Variants in MEG3 observed in about 807,000 individuals in gnomAD.
The protein encoded by MEG3 is maternally expressed 3, also known as Very putative protein from MEG3 locus.
intron 2 of MEG3, chr14:100,828,922 A>G (rs1217918119): frequency 6.6e-6 from 1 of 152,124 alleles, no homozygotes; most frequent in Non-Finnish European, 1.5e-5. Flanking sequence ...CAATTAAAAG[A>G]CAATTTTAAA....
rs1179636467 is a variant in MEG3 at position 100,844,978 on chromosome 14, T to G, written n.3046-480T>G. Among the ~76,000 whole-genome samples the G allele has an allele frequency of 5.9e-5, 9 of 152,266 alleles. No homozygotes were observed. In the South Asian group the frequency reaches 1.5e-3, roughly 25 times the overall value. Reference sequence around the variant, plus strand: ...GGCACACAACGTGTGTGCCATGGTTTTGGGAAACGCTGCCCATTAATAGCC... The same window carrying G: ...GGCACACAACGTGTGTGCCATGGTTGTGGGAAACGCTGCCCATTAATAGCC... On this transcript the variant is annotated intron_variant and non_coding_transcript_variant, in intron 2 of 3. Transcript: ENST00000398461.
intron 3 of MEG3, chr14:100,847,970 G>A (rs901551045): frequency 1.3e-5 from 2 of 152,178 alleles, no homozygotes; most frequent in African/African-American, 4.8e-5. Context: ...TGAGTGAGAC[G>A]TGGAACCGCA....
upstream of MEG3, chr14:100,852,439 T>C (rs1364880712): frequency 1.9e-6 from 1 of 533,854 alleles, no homozygotes; most frequent in Non-Finnish European, 3.8e-6. Context: ...CCACATGAGC[T>C]GGGCCTCGTG....
At chr14:100,853,727 T>C (rs946916891), upstream of MEG3, 2 of 152,228 alleles carry the variant, frequency 1.3e-5, no homozygotes, top group African/African-American at 2.4e-5. Context: ...GTTATTCTTA[T>C]GTATAACCAC....
chr14:100,831,907 G>A (rs1298302732), downstream of MEG3: 2 of 152,218 alleles, frequency 1.3e-5, no homozygotes, highest in Non-Finnish European at 2.9e-5. Context: ...CAGGTGGGAT[G>A]TCTCACAGGT....
At chr14:100,860,333 G>A (rs943029212) in exon 1 of MEG3, 4 of 266,818 alleles carry the variant, frequency 1.5e-5, no homozygotes, top group African/African-American at 7.0e-5. Context: ...TTGGGCAGAA[G>A]AGCTGGGGAT....
chr14:100,859,496 C>G (rs923134594), exon 1 of MEG3: 1 of 152,198 alleles, frequency 6.6e-6, no homozygotes, highest in Non-Finnish European at 1.5e-5. Context: ...GCTCCTCCGC[C>G]CCCCATGCCC....
At chr14:100,853,697 A>G (rs1998053), upstream of MEG3, 142,331 of 152,222 alleles carry the variant, frequency 0.94, 66,665 homozygotes, top group African/African-American at 0.98. Flanking sequence ...TGGCTATGGC[A>G]TCATTCACAG....
intron 3 of MEG3, chr14:100,846,958 T>A (rs1241722946): frequency 6.6e-6 from 1 of 151,430 alleles, no homozygotes; most frequent in Non-Finnish European, 1.5e-5. Flanking sequence ...AGATGCAAGT[T>A]AGGGAACAAG....
chr14:100,856,349 C>G (rs1437827284), upstream of MEG3: 1 of 152,634 alleles, frequency 6.6e-6, no homozygotes, highest in Non-Finnish European at 1.5e-5. Context: ...TTCTGAATGT[C>G]ATTCATTGCA....
Position 100,837,424 on chromosome 14 carries a change from T to G in MEG3, n.3045+1124T>G, listed in dbSNP as rs2037617921. On this transcript the variant is annotated intron_variant and non_coding_transcript_variant, in intron 2 of 3. Transcript: ENST00000398461. The surrounding 1 kb of genome is among the most constrained non-coding windows in gnomAD (Gnocchi z 5.8). The stretch of plus-strand genomic sequence containing the variant: ...AGTTAGACTTCCCAGAGAAGCTGGG[T>G]GGGCGCTGAGAAAGGTCTGAACCGT... Among the ~76,000 whole-genome samples, 1 of 152,068 alleles carries G rather than the reference T, an allele frequency of 6.6e-6. No individual in the cohort carries two copies. The highest frequency in any genetic ancestry group is 2.4e-5 in the African/African-American group (1 of 41,402).
chr14:100,844,195 T>C (rs2037845655), intron 2 of MEG3, among the ~76,000 whole-genome samples: 1 of 152,166 alleles, frequency 6.6e-6, no homozygotes, highest in Non-Finnish European at 1.5e-5. Context: ...ATGGCCTTTC[T>C]GTTTCCTGGG....
downstream of MEG3, chr14:100,830,344 A>AACACACACACAC (rs142049070): frequency 9.9e-4 from 30 of 30,286 alleles, no homozygotes; most frequent in African/African-American, 3.0e-3. Context: ...TGGAGATTAA[A>AACACACACACAC]ACACACACAC....
At chr14:100,826,690 C>T (rs986594437) in intron 1 of MEG3, among the ~76,000 whole-genome samples, 9 of 152,190 alleles carry the variant, frequency 5.9e-5, no homozygotes, top group Non-Finnish European at 7.3e-5. Flanking sequence ...GCATATTTGC[C>T]TCGCCAGCTG....
At chr14:100,844,677 G>A (rs549024924) in intron 2 of MEG3, among the ~76,000 whole-genome samples, 37 of 152,146 alleles carry the variant, frequency 2.4e-4, no homozygotes, top group Non-Finnish European at 4.7e-4. Flanking sequence ...TCTTTGTGGC[G>A]CACATCCTGT....
chr14:100,831,556 A>G (rs2037396842), downstream of MEG3: 1 of 152,548 alleles, frequency 6.6e-6, no homozygotes, highest in African/African-American at 2.4e-5. Context: ...TCTGTGGCTT[A>G]ATCCTTGTCA....
rs993553793 is a variant in MEG3 at position 100,845,608 on chromosome 14, G to T, written n.3121+75G>T. 4.7e-6 allele frequency: 2 copies of T among 422,578 alleles called. No individual in the cohort carries two copies. The highest frequency in any genetic ancestry group is 1.5e-4 in the East Asian group (2 of 13,772). 26.2% of individuals were successfully genotyped at this position (422,578 alleles called of 1,614,324 possible). On this transcript the variant is annotated intron_variant and non_coding_transcript_variant, in intron 3 of 3. Transcript: ENST00000398461. The surrounding 1 kb of genome is among the most constrained non-coding windows in gnomAD (Gnocchi z 5.2). ...TGGGGCCAGCTGCCCGGAGCACACC[G>T]CCAGGCGGACCTCGTGGAGGGGCTG...
intron 2 of MEG3, among the ~76,000 whole-genome samples, chr14:100,838,136 C>T (rs977352993): frequency 2.0e-5 from 3 of 152,130 alleles, no homozygotes; most frequent in African/African-American, 7.2e-5. Flanking sequence ...TGGTCTGAGC[C>T]AGATGCCCTC....
At chr14:100,844,278 C>T (rs573595662) in intron 2 of MEG3, among the ~76,000 whole-genome samples, 44 of 152,186 alleles carry the variant, frequency 2.9e-4, no homozygotes, top group African/African-American at 9.9e-4. Flanking sequence ...AGGAAACGGT[C>T]CCCAGAGATG....
Sources: gnomAD v4.1 joint callset for allele counts (sites outside exome capture counted in the v4.1 genomes callset) on GRCh38, gnomAD v4.1.1 for gene constraint, Gnocchi (gnomAD v3.1) non-coding constraint, MANE v1.5 for transcripts, NCBI Gene and HGNC (gene_info 2026-07-23, HGNC 2026-07-21) for gene names.